The following HIP1R variants were observed in gnomAD, a reference collection of about 807,000 sequenced individuals.
HIP1R encodes the protein huntingtin interacting protein 1 related.
HIP1R carries 135 observed loss-of-function variants against 144.2 expected under a neutral mutation model. The observed-to-expected ratio is 0.94, with a 90% CI of 0.81 to 1.08. The LOEUF is 1.08. Ranked by LOEUF, HIP1R falls within the 50% of genes least tolerant of loss-of-function variation. The pLI is 0.00. For synonymous variants in HIP1R, 698 were observed against 612.8 expected, an observed-to-expected ratio of 1.14 and a Z score of -2.05; for missense variants, 1,462 against 1,432.8, an observed-to-expected ratio of 1.02 and a Z score of -0.33.
chr12:122,846,842 G>A (rs1593866744), intron 1 of HIP1R, among the ~76,000 whole-genome samples: 4 of 152,212 alleles, frequency 2.6e-5, no homozygotes, highest in East Asian at 1.9e-4. Context: ...CCAGCTTCCC[G>A]GGCTGGCTTT....
Position 122,854,172 on chromosome 12 carries a change from A to G in HIP1R, c.707A>G (p.Lys236Arg), listed in dbSNP as rs1349640668. 3 of 1,613,606 alleles carry G rather than the reference A, an allele frequency of 1.9e-6. No homozygotes were observed. Among genetic ancestry groups the G allele is most frequent in the Admixed American group, 1.7e-5 (1 of 59,992 alleles). Residue 236 changes from lysine (K) to arginine (R), a missense_variant, in exon 8 of 32, where the codon AAG becomes AGG. Coordinates refer to ENST00000253083, the MANE Select transcript of HIP1R (RefSeq NM_003959.3). ...CACTACACGGTCAAGCTCCTGTTCA[A>G]GCTACACTCTTGTGAGTGGCCCAGG... ...LYHYTVKLLFKLHSCLPADTL... is the reference protein window; with the variant it reads ...LYHYTVKLLFRLHSCLPADTL...
At chr12:122,859,688 TGA>T (rs2033705523) in intron 23 of HIP1R, 82 bp from the exon 24 acceptor site, 3 of 1,507,708 alleles carry the variant, frequency 2.0e-6, no homozygotes, top group Non-Finnish European at 2.7e-6. Context: ...AGGTCAGAGC[TGA>T]GAGGGCAGGA....
rs897868941 is a variant in HIP1R, at chr12:122,840,047, C to T, written c.93+4404C>T. Among the ~76,000 whole-genome samples the T allele has an allele frequency of 2.0e-4, 31 of 152,258 alleles. No individual in the cohort carries two copies. The highest frequency in any genetic ancestry group is 2.0e-3 in the Admixed American group (31 of 15,290). ...TTCCTGGGCATGCGCACTGCTGTCT[C>T]GCCCCGTGACATCCTCTGCTCGGTT... On this transcript the variant is annotated intron_variant, in intron 1 of 31. Coordinates refer to ENST00000253083, the MANE Select transcript of HIP1R (RefSeq NM_003959.3). This position sits in a 1 kb window ranked among gnomAD's most constrained non-coding sequence, Gnocchi z 4.2.
rs1487501548 is a variant in HIP1R at position 122,861,499 on chromosome 12, C to T, written c.3144C>T (p.Pro1048=). The T allele has an allele frequency of 1.2e-6, 2 of 1,611,640 alleles. No homozygotes were observed. The highest frequency in any genetic ancestry group is 1.7e-6 in the Non-Finnish European group (2 of 1,179,088). ...PPLAQKPSVA[P]RQDHQLDKKD... is the part of the protein sequence containing the mutation. ...TGGCCCAGAAGCCCAGCGTGGCCCC[C>T]AGACAGGACCACCAGGTGCCGTCTG... The change falls in exon 31 of 32, where the codon CCC becomes CCT. Residue 1048 remains proline, a synonymous_variant. Transcript: ENST00000253083.
intron 8 of HIP1R, 84 bp downstream of exon 8, chr12:122,854,267 A>G: frequency 7.9e-7 from 1 of 1,270,030 alleles, no homozygotes; most frequent in East Asian, 2.6e-5. Context: ...AAATCGAAAA[A>G]TTAGAGGTTT....
At position 122,859,081 on chromosome 12, in the gene HIP1R, G is replaced by C. The variant is rs376345720; in HGVS notation, c.2179G>C (p.Glu727Gln). 1,366 of 1,605,528 alleles carry C rather than the reference G, an allele frequency of 8.5e-4. 22 individuals are homozygous for C. The South Asian group carries it at 0.014, about 17-fold the overall frequency. The change falls in exon 22 of 32, where the codon GAG becomes CAG. Residue 727 changes from glutamate to glutamine, a missense_variant. Glu to Gln is a conservative substitution (Grantham distance 29, BLOSUM62 2). Coordinates refer to ENST00000253083, the MANE Select transcript of HIP1R (RefSeq NM_003959.3). ...PADRLIDTCR[E>Q]CGARALELMG... is the part of the protein sequence containing the mutation. The stretch of plus-strand genomic sequence containing the variant: ...CCCAGGCCTCATAGACACCTGCAGG[G>C]AGTGCGGGGCCCGGGCTCTGGAGCT...
intron 1 of HIP1R, among the ~76,000 whole-genome samples, chr12:122,839,507 G>A (rs1257476695): frequency 6.6e-6 from 1 of 152,170 alleles, no homozygotes; most frequent in East Asian, 1.9e-4. Flanking sequence ...AATTTTCCAG[G>A]TTGGTGACAT....
intron 21 of HIP1R, 46 bp from the exon 22 acceptor site, chr12:122,859,015 G>A (rs1363406198): frequency 6.6e-7 from 1 of 1,508,380 alleles, no homozygotes; most frequent in Non-Finnish European, 8.9e-7. Flanking sequence ...TCCTTATGGA[G>A]CCTGTCGGTG....
In HIP1R at chr12:122,848,019, T is replaced by TG. The variant is rs768244770; in HGVS notation, c.94-11dup. On this transcript the variant is annotated splice_polypyrimidine_tract_variant and intron_variant, in intron 1 of 31. Transcript: ENST00000253083. ...CCTGGGGCTCTAAACACTGCTCCTT[T>TG]GTCCCTCACAGGCCATCAGCATCAG... is the stretch of plus-strand genomic sequence containing the variant. 1.1e-4 allele frequency: 185 copies of TG among 1,613,292 alleles called. No individual in the cohort carries two copies. The highest frequency in any genetic ancestry group is 3.5e-4 in the South Asian group (32 of 91,066).
rs761477767 is a variant in HIP1R, at chr12:122,858,395, C to A, written c.2010C>A (p.Thr670=). ...AGGAGGCCTTGGATGCCGTGAGCAC[C>A]CTGGAGGAGGGCCACGCCCAGTACC... ...RAQEALDAVS[T]LEEGHAQYLT... Residue 670 remains threonine, a synonymous_variant, in exon 20 of 32, where the codon ACC becomes ACA. Coordinates refer to ENST00000253083, the MANE Select transcript of HIP1R (RefSeq NM_003959.3). 1.6e-5 allele frequency: 25 copies of A among 1,611,106 alleles called. No homozygotes were observed. The highest frequency in any genetic ancestry group is 2.1e-5 in the Non-Finnish European group (25 of 1,178,556).
intron 3 of HIP1R, 21 bp downstream of exon 3, chr12:122,848,629 C>T: frequency 6.2e-7 from 1 of 1,604,108 alleles, no homozygotes; most frequent in East Asian, 2.2e-5. Flanking sequence ...GCTGCTGCCT[C>T]TGCTCCCCGG....
chr12:122,854,846 G>T, intron 8 of HIP1R, 59 bp from the exon 9 acceptor site: 1 of 1,545,134 alleles, frequency 6.5e-7, no homozygotes, highest in East Asian at 2.2e-5. Context: ...ACAAGGCAGG[G>T]CAGGTGAGCC....
intron 8 of HIP1R, 108 bp from the exon 9 acceptor site, chr12:122,854,796 CA>C: frequency 8.3e-7 from 1 of 1,197,912 alleles, no homozygotes; most frequent in Non-Finnish European, 1.2e-6. Context: ...GGCCCGGTCT[CA>C]GGTGATCTCT....
intron 28 of HIP1R, 65 bp downstream of exon 28, chr12:122,860,849 C>T (rs1449543012): frequency 1.8e-5 from 29 of 1,595,628 alleles, no homozygotes; most frequent in East Asian, 2.3e-5. Context: ...GCTGTGGCTG[C>T]CAAGCCCAGG....
Position 122,859,758 on chromosome 12 carries a change from G to T in HIP1R, c.2407-14G>T, listed in dbSNP as rs760514204. The T allele has an allele frequency of 6.2e-7, 1 of 1,612,660 alleles. No homozygotes were observed. The highest frequency in any genetic ancestry group is 1.7e-5 in the Admixed American group (1 of 59,962). On this transcript the variant is annotated splice_polypyrimidine_tract_variant and intron_variant, in intron 23 of 31. Transcript: ENST00000253083. ...CTCCTCCCAGCCAGCTCACGGCTCT[G>T]TTCTTGGGTGCAGGACATGATGAAC...
intron 8 of HIP1R, 45 bp downstream of exon 8, chr12:122,854,228 A>G (rs767393705): frequency 2.3e-5 from 36 of 1,576,510 alleles, no homozygotes; most frequent in Non-Finnish European, 3.0e-5. Flanking sequence ...CTGTGTTTAT[A>G]TGGCTTAGAC....
chr12:122,860,350 G>A (rs2033731808), intron 26 of HIP1R, 73 bp from the exon 27 acceptor site: 2 of 1,566,798 alleles, frequency 1.3e-6, no homozygotes, highest in Non-Finnish European at 1.8e-6. Context: ...GGGGGAGAGG[G>A]CCCTTGAGGG....
At chr12:122,839,617 T>G (rs984777084) in intron 1 of HIP1R, among the ~76,000 whole-genome samples, 1 of 152,220 alleles carries the variant, frequency 6.6e-6, no homozygotes, top group African/African-American at 2.4e-5. Flanking sequence ...AGCAGTGTTG[T>G]CCAGGAGGAA....
At position 122,857,148 on chromosome 12, in the gene HIP1R, C is replaced by T. The variant is rs1012332938; in HGVS notation, c.1748C>T (p.Ala583Val). ...AGCCTGGTGCGCGAGACAGAGGCGG[C>T]GCTGAGCCGGGAGCAGCAGCGCAGC... is the stretch of plus-strand genomic sequence containing the variant. ...AQSLVRETEA[A>V]LSREQQRSSQ... Residue 583 changes from alanine to valine, a missense_variant, in exon 18 of 32, where the codon GCG (alanine) becomes GTG (valine). Physicochemically the swap from Ala to Val is moderately conservative, Grantham distance 64. Around this residue, in one of 2 missense-constraint regions of HIP1R, gnomAD observed 1,112 missense variants for 1,011.7 expected, o/e 1.10. Transcript: ENST00000253083. 1.8e-5 allele frequency: 28 copies of T among 1,550,314 alleles called. 1 individual carries two copies. Among genetic ancestry groups the T allele is most frequent in the East Asian group, 1.2e-4 (5 of 40,932 alleles).
Sources: gnomAD v4.1 joint callset for allele counts (sites outside exome capture counted in the v4.1 genomes callset) on GRCh38, gnomAD v4.1.1 for gene constraint, gnomAD v4.1.1 regional missense constraint, Gnocchi (gnomAD v3.1) non-coding constraint, MANE v1.5 for transcripts, NCBI Gene and HGNC (gene_info 2026-07-23, HGNC 2026-07-21) for gene names.